Variants in DTNA observed in about 807,000 individuals in gnomAD.
DTNA encodes the protein dystrobrevin alpha, also known as dystrophin-related protein 3.
DTNA carries 43 observed loss-of-function variants against 100.7 expected under a neutral mutation model. The observed-to-expected ratio is 0.43, with a 90% CI of 0.33 to 0.55. The LOEUF (loss-of-function observed/expected upper bound fraction) is 0.55. Among genes scored for constraint, DTNA ranks in the 20% least tolerant of loss-of-function variants. The pLI, the probability that DTNA is intolerant of heterozygous loss-of-function variation, is 0.04. For missense variants in DTNA, 798 were observed against 953.9 expected, an observed-to-expected ratio of 0.84 and a Z score of 2.15; for synonymous variants, 349 against 347.9, an observed-to-expected ratio of 1.00 and a Z score of -0.04.
intron 1 of DTNA, among the ~76,000 whole-genome samples, chr18:34,686,123 C>G (rs754731970): frequency 2.6e-5 from 4 of 151,614 alleles, no homozygotes; most frequent in African/African-American, 4.8e-5. Flanking sequence ...ATTTGAATAC[C>G]CTTCATTTCT....
chr18:34,662,829 C>T (rs1375739408), intron 1 of DTNA: 4 of 152,180 alleles, frequency 2.6e-5, no homozygotes, highest in African/African-American at 9.7e-5. Context: ...GTCTCAACAA[C>T]CTTAATATAT....
intron 4 of DTNA, among the ~76,000 whole-genome samples, chr18:34,801,513 C>CT (rs555362184): frequency 0.032 from 4,477 of 140,394 alleles, 155 homozygotes; most frequent in African/African-American, 0.078. Context: ...AATAAAATAA[C>CT]TTTTTTTTTT....
In DTNA at chr18:34,889,586, A is replaced by C. The variant is rs1389215487; in HGVS notation, c.*1852A>C. On this transcript the variant is annotated 3_prime_UTR_variant, in exon 23 of 23. Transcript: ENST00000444659. ...TGCCCAGCCAAGTCCTGACATCTTCATGCCCCCTCTGCAGAGGGCGGCTGT... is the reference window on the plus strand; with the variant it reads ...TGCCCAGCCAAGTCCTGACATCTTCCTGCCCCCTCTGCAGAGGGCGGCTGT... 8.1e-6 allele frequency: 8 copies of C among 985,258 alleles called. No individual in the cohort carries two copies. Among genetic ancestry groups the C allele is most frequent in the Non-Finnish European group, 9.6e-6 (8 of 829,928 alleles). 61.0% of individuals were successfully genotyped at this position (985,258 alleles called of 1,614,324 possible). A position where few individuals can be genotyped will look rare whatever the true frequency, so the allele number is the denominator to read the frequency against.
At chr18:34,600,777 A>G (rs901379839) in intron 1 of DTNA, among the ~76,000 whole-genome samples, 2 of 152,248 alleles carry the variant, frequency 1.3e-5, no homozygotes, top group African/African-American at 2.4e-5. Context: ...CAGATATACT[A>G]TGGGTGGTTT....
chr18:34,815,720 G>C (rs543834279), intron 6 of DTNA, 189 bp from the exon 7 acceptor site: 1 of 577,470 alleles, frequency 1.7e-6, no homozygotes, highest in Non-Finnish European at 3.1e-6. Flanking sequence ...TGTCTGCTTA[G>C]GTATAAAAAG....
At position 34,863,968 on chromosome 18, in the gene DTNA, A is replaced by G. The variant is rs1436377008; in HGVS notation, c.1649A>G (p.Gln550Arg). The change falls in exon 17 of 23, where the codon CAG (glutamine) becomes CGG (arginine). Residue 550 changes from glutamine (Q) to arginine (R), a missense_variant and splice_region_variant. Coordinates refer to ENST00000444659, the MANE Select transcript of DTNA (RefSeq NM_001386795.1). ...TLLAELRLLR[Q>R]RKDELEQRMS... ...GATGTCAGCTGCTTCTTTCTTAGAC[A>G]GCGCAAAGATGAGCTGGAACAGAGA... 6.2e-7 allele frequency: 1 copy of G among 1,609,154 alleles called. No homozygotes were observed. The highest frequency in any genetic ancestry group is 1.3e-5 in the African/African-American group (1 of 74,844).
At chr18:34,704,117 T>C (rs1345035118) in intron 1 of DTNA, among the ~76,000 whole-genome samples, 2 of 152,260 alleles carry the variant, frequency 1.3e-5, no homozygotes, top group South Asian at 4.1e-4. Context: ...ACTTTGTGTG[T>C]CTACAGGGTA....
At chr18:34,718,343 G>T (rs2084505546) in intron 1 of DTNA, among the ~76,000 whole-genome samples, 1 of 152,076 alleles carries the variant, frequency 6.6e-6, no homozygotes, top group Non-Finnish European at 1.5e-5. Flanking sequence ...CTTTGATTTT[G>T]ACAAATAGTG....
chr18:34,511,296 A>G lies in DTNA; in HGVS notation c.-2+17782A>G, dbSNP rs140230488. ...ACTTAAGACCCATCTGTTATGAACA[A>G]TTTTAAACATTTCATCTGTATTATC... On this transcript the variant is annotated intron_variant, in intron 1 of 19. Coordinates refer to the DTNA transcript ENST00000283365. Among the ~76,000 whole-genome samples, 178 of 152,214 alleles carry G rather than the reference A, an allele frequency of 1.2e-3. 8 individuals carry two copies. The East Asian group carries it at 0.028, about 24-fold the overall frequency.
intron 3 of DTNA, among the ~76,000 whole-genome samples, chr18:34,780,154 C>T (rs1429715841): frequency 2.6e-5 from 4 of 151,980 alleles, no homozygotes; most frequent in African/African-American, 9.7e-5. Flanking sequence ...TGTTTTTAAC[C>T]ATTGATGGTG....
At chr18:34,752,009 G>C (rs1241636042) in intron 1 of DTNA, among the ~76,000 whole-genome samples, 5 of 152,184 alleles carry the variant, frequency 3.3e-5, no homozygotes, top group Non-Finnish European at 4.4e-5. Context: ...TTTAGTAAAG[G>C]AAACATCTGA....
intron 20 of DTNA, 106 bp downstream of exon 20, chr18:34,879,825 G>A: frequency 7.1e-7 from 1 of 1,414,082 alleles, no homozygotes; most frequent in Non-Finnish European, 9.8e-7. Flanking sequence ...ACCTTCAGAA[G>A]GGGTGACATA....
intron 1 of DTNA, among the ~76,000 whole-genome samples, chr18:34,593,015 C>A (rs2049917088): frequency 6.6e-6 from 1 of 152,118 alleles, no homozygotes; most frequent in East Asian, 1.9e-4. Context: ...CTTTTTCAGG[C>A]AGCCAAGTTT....
Position 34,812,008 on chromosome 18 carries a change from A to C in DTNA, c.498A>C (p.Arg166=). ...CCAGTGGGGTGATGGTTTATGGACG[A>C]TATGACCAATTCCTTCGGGAAGTTC... ...SDSSGVMVYG[R]YDQFLREVLK... Residue 166 remains arginine (R), a synonymous_variant, in exon 6 of 23, where the codon CGA becomes CGC. Transcript: ENST00000444659. The C allele has an allele frequency of 6.2e-7, 1 of 1,614,110 alleles. No homozygotes were observed. The highest frequency in any genetic ancestry group is 8.5e-7 in the Non-Finnish European group (1 of 1,179,978).
At chr18:34,587,799 CT>C (rs1180325150) in intron 1 of DTNA, among the ~76,000 whole-genome samples, 1 of 152,150 alleles carries the variant, frequency 6.6e-6, no homozygotes, top group Non-Finnish European at 1.5e-5. Context: ...ATACATATAA[CT>C]TTAAAACTTC....
At chr18:34,881,343 A>G (rs2096869802) in intron 20 of DTNA, among the ~76,000 whole-genome samples, 1 of 151,016 alleles carries the variant, frequency 6.6e-6, no homozygotes, top group Admixed American at 6.6e-5. Flanking sequence ...AGCTTTGCAT[A>G]GTCTAGGATG....
intron 10 of DTNA, among the ~76,000 whole-genome samples, chr18:34,827,914 G>T (rs530766835): frequency 6.6e-6 from 1 of 152,278 alleles, no homozygotes; most frequent in East Asian, 1.9e-4. Flanking sequence ...CCCACAGTAA[G>T]AATGTGAGGG....
At chr18:34,778,124 C>A (rs1365736044) in intron 3 of DTNA, among the ~76,000 whole-genome samples, 2 of 152,106 alleles carry the variant, frequency 1.3e-5, no homozygotes, top group African/African-American at 2.4e-5. Flanking sequence ...TTGAGGTTTT[C>A]TTTTCCTAAG....
intron 17 of DTNA, chr18:34,866,716 T>C (rs1424199819): frequency 3.0e-6 from 3 of 995,622 alleles, no homozygotes; most frequent in Non-Finnish European, 3.6e-6. Context: ...AGAAAGACTG[T>C]ACTCCATAAC....
Sources: allele counts gnomAD v4.1 joint callset (sites outside exome capture counted in the v4.1 genomes callset), GRCh38; gene constraint gnomAD v4.1.1; transcripts MANE v1.5; gene names NCBI Gene and HGNC (gene_info 2026-07-23, HGNC 2026-07-21).